Variants in DOCK3 observed in about 807,000 individuals in gnomAD.
The protein encoded by DOCK3 is dedicator of cytokinesis 3.
Under a neutral mutation model 265.6 loss-of-function variants are expected in DOCK3, and 60 were observed. The observed-to-expected ratio is 0.23, with a 90% CI of 0.18 to 0.28. DOCK3 has a LOEUF of 0.28. DOCK3 is among the 10% of genes least tolerant of loss of function. The pLI, the probability that DOCK3 is intolerant of heterozygous loss-of-function variation, is 1.00. For missense variants in DOCK3, 1,981 were observed against 2,594.3 expected (o/e 0.76, Z 5.14); for synonymous variants, 881 against 938.0 (o/e 0.94, Z 1.11).
chr3:50,986,196 T>C (rs1316238195), intron 5 of DOCK3, among the ~76,000 whole-genome samples: 2 of 152,158 alleles, frequency 1.3e-5, no homozygotes, highest in Non-Finnish European at 1.5e-5. Context: ...TGACCTATGA[T>C]TTTTATCCTA....
Position 50,984,801 on chromosome 3 carries a change from AAAAT to A in DOCK3, c.315+50732_315+50735del, listed in dbSNP as rs1213997324. Among the ~76,000 whole-genome samples, 5 of 152,380 alleles carry A rather than the reference AAAAT, an allele frequency of 3.3e-5. 1 individual carries two copies. In the South Asian group the frequency reaches 6.2e-4, roughly 19 times the overall value. On this transcript the variant is annotated intron_variant, in intron 5 of 52. Transcript: ENST00000266037. ...AAATGTTTGAACAACAACAAAATAA[AAAAT>A]AAATAAAACAAAACAGAAATTTAAA...
intron 3 of DOCK3, among the ~76,000 whole-genome samples, chr3:50,887,929 A>T (rs1374444353): frequency 6.6e-6 from 1 of 152,182 alleles, no homozygotes; most frequent in Non-Finnish European, 1.5e-5. Flanking sequence ...AACTGGAAGT[A>T]TTCACTTTGA....
intron 5 of DOCK3, among the ~76,000 whole-genome samples, chr3:50,970,529 G>C (rs2077166964): frequency 6.6e-6 from 1 of 151,780 alleles, no homozygotes. Context: ...TAATTAGAAA[G>C]ACCTGTCTTC....
At chr3:51,213,254 A>G (rs1206070011) in intron 13 of DOCK3, among the ~76,000 whole-genome samples, 1 of 152,072 alleles carries the variant, frequency 6.6e-6, no homozygotes, top group Non-Finnish European at 1.5e-5. Flanking sequence ...CTGTCAACCC[A>G]TAGATCAACA....
At chr3:51,090,062 CAA>C (rs67222291) in intron 8 of DOCK3, among the ~76,000 whole-genome samples, 166 bp from the exon 9 acceptor site, 18,602 of 151,886 alleles carry the variant, frequency 0.12, 1,465 homozygotes, top group Non-Finnish European at 0.17. Flanking sequence ...CACCTCAACC[CAA>C]GTCTGTTGAT....
chr3:50,880,866 C>T (rs953845009), intron 3 of DOCK3, among the ~76,000 whole-genome samples: 2 of 152,058 alleles, frequency 1.3e-5, no homozygotes, highest in Non-Finnish European at 2.9e-5. Flanking sequence ...AACATTGATG[C>T]AAAAATCCTC....
chr3:50,736,881 A>G (rs1386708711), intron 1 of DOCK3, among the ~76,000 whole-genome samples: 1 of 151,890 alleles, frequency 6.6e-6, no homozygotes, highest in Non-Finnish European at 1.5e-5. Flanking sequence ...TATTTTTAGT[A>G]GAGACGGGGT....
chr3:51,136,293 T>A (rs1399146991), intron 9 of DOCK3, among the ~76,000 whole-genome samples: 1 of 151,792 alleles, frequency 6.6e-6, no homozygotes, highest in Admixed American at 6.6e-5. Flanking sequence ...AGTGGCACGA[T>A]CTCGGCTCAC....
chr3:50,769,186 C>T (rs2041113020), intron 1 of DOCK3, among the ~76,000 whole-genome samples: 1 of 151,728 alleles, frequency 6.6e-6, no homozygotes, highest in Non-Finnish European at 1.5e-5. Context: ...ATTGTCTCTT[C>T]ACTCTTCTTT....
At chr3:51,330,046 G>C in intron 32 of DOCK3, 92 bp from the exon 33 acceptor site, 1 of 1,288,422 alleles carries the variant, frequency 7.8e-7, no homozygotes, top group Non-Finnish European at 1.1e-6. Context: ...TCAGGAAGTA[G>C]TTTCCCACCA....
rs1425740503 is a variant in DOCK3, at chr3:51,248,753, C to G, written c.2184+1946C>G. The stretch of plus-strand genomic sequence containing the variant: ...CATCCCATCTAGGAAGTGAGGAGCG[C>G]CTCTTCCCGGCCGCCATCACATCTA... On this transcript the variant is annotated intron_variant, in intron 22 of 52. Transcript: ENST00000266037. Among the ~76,000 whole-genome samples, 3 of 149,750 alleles carry G rather than the reference C, an allele frequency of 2.0e-5. No homozygotes were observed. In the East Asian group the frequency reaches 6.0e-4, roughly 30 times the overall value.
chr3:51,118,050 AG>A (rs2083822234), intron 9 of DOCK3, among the ~76,000 whole-genome samples: 2 of 152,128 alleles, frequency 1.3e-5, no homozygotes, highest in South Asian at 4.1e-4. Context: ...TTGTGATGTT[AG>A]GGTGTCAGTT....
At chr3:51,045,978 C>T (rs2080761653) in intron 5 of DOCK3, among the ~76,000 whole-genome samples, 1 of 152,048 alleles carries the variant, frequency 6.6e-6, no homozygotes. Context: ...AGCAGGCCTG[C>T]AGCACTGTAG....
At chr3:51,159,501 G>T (rs1286768721) in intron 11 of DOCK3, among the ~76,000 whole-genome samples, 197 bp downstream of exon 11, 2 of 152,020 alleles carry the variant, frequency 1.3e-5, no homozygotes, top group South Asian at 4.1e-4. Flanking sequence ...ATTCGGGGGG[G>T]TGGGTTTTGT....
intron 3 of DOCK3, among the ~76,000 whole-genome samples, chr3:50,858,763 C>G (rs1394741207): frequency 6.6e-6 from 1 of 152,126 alleles, no homozygotes; most frequent in African/African-American, 2.4e-5. Flanking sequence ...CGTTTGCTTT[C>G]TCCCCCTCCC....
chr3:50,799,280 A>G (rs2042950654), intron 2 of DOCK3, among the ~76,000 whole-genome samples: 1 of 152,194 alleles, frequency 6.6e-6, no homozygotes, highest in Non-Finnish European at 1.5e-5. Flanking sequence ...TAGGGATTGC[A>G]TCGAATCTGT....
chr3:50,877,407 T>G, intron 3 of DOCK3: 3 of 519,758 alleles, frequency 5.8e-6, no homozygotes, highest in Middle Eastern at 3.2e-4. Context: ...TATAGCTGCT[T>G]CTTTCCAATG....
intron 3 of DOCK3, among the ~76,000 whole-genome samples, chr3:50,870,583 T>G (rs550053206): frequency 6.6e-6 from 1 of 152,310 alleles, no homozygotes; most frequent in South Asian, 2.1e-4. Flanking sequence ...ATCTTTTGAT[T>G]GGAGAGTTTA....
rs532437458 is a variant in DOCK3, at chr3:51,251,207, T to C, written c.2184+4400T>C. ...CTACAAAGGACATGAACTCATCCTT[T>C]TTATGGCTGCATAGTATTCCATGGT... On this transcript the variant is annotated intron_variant, in intron 22 of 52. Coordinates refer to ENST00000266037, the MANE Select transcript of DOCK3 (RefSeq NM_004947.5). 4.6e-5 allele frequency among the ~76,000 whole-genome samples: 7 copies of C among 152,352 alleles called. 2 individuals carry two copies. Among genetic ancestry groups the C allele is most frequent in the African/African-American group, 1.7e-4 (7 of 41,596 alleles).
Sources: gnomAD v4.1 joint callset for allele counts (sites outside exome capture counted in the v4.1 genomes callset) on GRCh38, gnomAD v4.1.1 for gene constraint, MANE v1.5 for transcripts, NCBI Gene and HGNC (gene_info 2026-07-23, HGNC 2026-07-21) for gene names.